The following TMEM87A variants were observed in gnomAD, a reference collection of about 807,000 sequenced individuals.
TMEM87A encodes Golgi-pH regulating cation channel.
In TMEM87A, 50 loss-of-function variants were observed where a neutral mutation model predicts 90.0. The observed-to-expected ratio is 0.56, with a 90% CI of 0.44 to 0.70. The LOEUF (loss-of-function observed/expected upper bound fraction) is 0.70, where lower values mean the gene tolerates loss of function less well. TMEM87A is among the 30% of genes least tolerant of loss of function. The pLI is 0.00. For synonymous variants in TMEM87A, 226 were observed against 226.7 expected (o/e 1.00, Z 0.03); for missense variants, 577 against 660.5 (o/e 0.87, Z 1.39).
chr15:42,228,864 A>C, intron 12 of TMEM87A, 44 bp from the exon 13 acceptor site: 1 of 1,414,968 alleles, frequency 7.1e-7, no homozygotes, highest in South Asian at 1.4e-5. Flanking sequence ...AAAAACAGTA[A>C]GCTAGCCAAT....
intron 6 of TMEM87A, among the ~76,000 whole-genome samples, chr15:42,254,887 T>C (rs2051148087): frequency 6.6e-6 from 1 of 151,920 alleles, no homozygotes; most frequent in Non-Finnish European, 1.5e-5. Context: ...ACTTTAACAG[T>C]GTGCCACAGT....
chr15:42,236,627 G>T (rs186515197), intron 9 of TMEM87A, among the ~76,000 whole-genome samples: 12 of 152,196 alleles, frequency 7.9e-5, no homozygotes, highest in Admixed American at 3.3e-4. Flanking sequence ...ATCTGGGTGC[G>T]CTCAACTCAG....
In TMEM87A at chr15:42,233,411, A is replaced by G. The variant is rs1201973407; in HGVS notation, c.969-105T>C. 5 of 772,588 alleles carry G rather than the reference A, an allele frequency of 6.5e-6. No individual in the cohort carries two copies. In the African/African-American group the frequency reaches 8.6e-5, roughly 13 times the overall value. 47.9% of individuals were successfully genotyped at this position (772,588 alleles called of 1,614,324 possible). A position where few individuals can be genotyped will look rare whatever the true frequency, so the allele number is the denominator to read the frequency against. ...TTAATATAGGCCAACAATTTAAAGC[A>G]ATAAATAATATACACTTGATTCACC... On this transcript the variant is annotated intron_variant, in intron 10 of 19. Transcript: ENST00000389834.
intron 10 of TMEM87A, among the ~76,000 whole-genome samples, chr15:42,234,726 C>T (rs2050742921): frequency 6.6e-6 from 1 of 152,174 alleles, no homozygotes; most frequent in African/African-American, 2.4e-5. Context: ...CCTATACTCT[C>T]TGGAACTCTC....
At chr15:42,228,022 C>G (rs1428589761) in intron 13 of TMEM87A, among the ~76,000 whole-genome samples, 1 of 152,218 alleles carries the variant, frequency 6.6e-6, no homozygotes, top group Non-Finnish European at 1.5e-5. Context: ...TATTTGCCAT[C>G]TGGCTACATC....
chr15:42,237,400 C>T, intron 9 of TMEM87A, 32 bp downstream of exon 9: 1 of 1,608,344 alleles, frequency 6.2e-7, no homozygotes. Flanking sequence ...CTTCCAACCA[C>T]TCGAACTGGC....
intron 6 of TMEM87A, among the ~76,000 whole-genome samples, chr15:42,253,206 C>G (rs146336776): frequency 2.0e-5 from 3 of 152,254 alleles, no homozygotes; most frequent in African/African-American, 7.2e-5. Flanking sequence ...TCACTTTTTG[C>G]TTGTACAGAG....
chr15:42,224,265 C>T (rs2050549295), intron 15 of TMEM87A: 1 of 152,154 alleles, frequency 6.6e-6, no homozygotes, highest in South Asian at 2.1e-4. Flanking sequence ...TGATTGAGCC[C>T]CAGTAAAAAC....
intron 19 of TMEM87A, among the ~76,000 whole-genome samples, chr15:42,216,274 A>G (rs1298810882): frequency 6.6e-6 from 1 of 152,236 alleles, no homozygotes; most frequent in Admixed American, 6.5e-5. Context: ...AATTTCATTT[A>G]AATGAGATGA....
At chr15:42,249,156 C>T (rs1222773172) in intron 6 of TMEM87A, among the ~76,000 whole-genome samples, 1 of 152,078 alleles carries the variant, frequency 6.6e-6, no homozygotes, top group Non-Finnish European at 1.5e-5. Context: ...TTTATTGCAT[C>T]TATTTGATTC....
At chr15:42,212,828 T>C (rs991681558) in intron 19 of TMEM87A, among the ~76,000 whole-genome samples, 9 of 152,210 alleles carry the variant, frequency 5.9e-5, no homozygotes, top group African/African-American at 1.9e-4. Flanking sequence ...TGATTCCTGG[T>C]CCATCATGTA....
chr15:42,253,281 T>C (rs1480105886), intron 6 of TMEM87A, among the ~76,000 whole-genome samples: 3 of 152,222 alleles, frequency 2.0e-5, no homozygotes, highest in Non-Finnish European at 4.4e-5. Context: ...TGAGAATATA[T>C]ATGGCTTTCT....
rs1482153791 is a variant in TMEM87A, at chr15:42,273,342, A to G, written c.57T>C (p.Ala19=). Residue 19 remains alanine, a synonymous_variant, in exon 1 of 20, where the codon GCT becomes GCC. Coordinates refer to ENST00000389834, the MANE Select transcript of TMEM87A (RefSeq NM_015497.5). The part of the protein sequence containing the change: ...VLPVILLLLG[A]HPSPLSFFSA... Reference sequence around the variant, plus strand: ...TGAAAAACGACAGTGGTGACGGGTGAGCTCCCAGAAGCAGAAGAATGACAG... The same window carrying G: ...TGAAAAACGACAGTGGTGACGGGTGGGCTCCCAGAAGCAGAAGAATGACAG... The G allele has an allele frequency of 6.2e-7, 1 of 1,613,962 alleles. No individual in the cohort carries two copies. Among genetic ancestry groups the G allele is most frequent in the African/African-American group, 1.3e-5 (1 of 74,896 alleles).
At chr15:42,270,148 T>C (rs1418675276) in intron 2 of TMEM87A, among the ~76,000 whole-genome samples, 4 of 152,030 alleles carry the variant, frequency 2.6e-5, no homozygotes, top group Non-Finnish European at 5.9e-5. Context: ...GGCAGGCAGA[T>C]AACTTGAGGT....
chr15:42,216,393 A>C (rs2050384538), intron 19 of TMEM87A, among the ~76,000 whole-genome samples: 1 of 152,218 alleles, frequency 6.6e-6, no homozygotes, highest in African/African-American at 2.4e-5. Flanking sequence ...TTCTTACCAC[A>C]AAAAAGCCTT....
chr15:42,233,497 G>A (rs996879208), intron 10 of TMEM87A, among the ~76,000 whole-genome samples, 191 bp from the exon 11 acceptor site: 1 of 152,158 alleles, frequency 6.6e-6, no homozygotes, highest in Non-Finnish European at 1.5e-5. Context: ...TACAACTTGA[G>A]ATCTTGTGTC....
chr15:42,231,315 A>G, intron 11 of TMEM87A, 55 bp from the exon 12 acceptor site: 1 of 1,413,066 alleles, frequency 7.1e-7, no homozygotes, highest in Non-Finnish European at 9.6e-7. Context: ...AGGCACAGAG[A>G]AGAAACCACC....
At chr15:42,221,285 G>C (rs1428816203) in intron 15 of TMEM87A, among the ~76,000 whole-genome samples, 3 of 148,070 alleles carry the variant, frequency 2.0e-5, no homozygotes, top group African/African-American at 5.0e-5. Context: ...GAGAGAGAGA[G>C]AGAGAGAGAG....
chr15:42,217,457 T>A (rs1318390028), intron 19 of TMEM87A, among the ~76,000 whole-genome samples: 1 of 152,246 alleles, frequency 6.6e-6, no homozygotes, highest in East Asian at 1.9e-4. Flanking sequence ...TATTTTTCCT[T>A]ATTATTTTTG....
Sources: allele counts gnomAD v4.1 joint callset (sites outside exome capture counted in the v4.1 genomes callset), GRCh38; gene constraint gnomAD v4.1.1; transcripts MANE v1.5; gene names NCBI Gene and HGNC (gene_info 2026-07-23, HGNC 2026-07-21).